The following SNAPC3 variants were observed in gnomAD, a reference collection of about 807,000 sequenced individuals.
SNAPC3 encodes the protein snRNA-activating protein complex subunit 3.
SNAPC3 carries 56 observed loss-of-function variants against 47.7 expected under a neutral mutation model. That is an observed-to-expected ratio of 1.18 (90% CI 0.95 to 1.47). The LOEUF (loss-of-function observed/expected upper bound fraction) is 1.47. Ranked by LOEUF, SNAPC3 falls within the 40% of genes most tolerant of loss-of-function variation. The pLI is 0.00. For missense variants in SNAPC3, 665 were observed against 511.3 expected (o/e 1.30, Z -2.90); for synonymous variants, 235 against 189.9 (o/e 1.24, Z -1.95).
intron 3 of SNAPC3, among the ~76,000 whole-genome samples, chr9:15,438,138 T>C (rs375344375): frequency 3.3e-5 from 5 of 152,216 alleles, no homozygotes; most frequent in African/African-American, 1.2e-4. Context: ...AGGTTTTTCA[T>C]TGCTGATTCA....
intron 5 of SNAPC3, among the ~76,000 whole-genome samples, chr9:15,449,233 C>T (rs1056470081): frequency 6.6e-6 from 1 of 152,084 alleles, no homozygotes; most frequent in Non-Finnish European, 1.5e-5. Context: ...TGAATTTACC[C>T]TCTTCACTCC....
chr9:15,441,624 CTG>C (rs1017881331), intron 3 of SNAPC3, among the ~76,000 whole-genome samples: 9 of 151,910 alleles, frequency 5.9e-5, no homozygotes, highest in African/African-American at 2.2e-4. Context: ...CTTCAAGCAT[CTG>C]TTTAACAAAG....
intron 3 of SNAPC3, among the ~76,000 whole-genome samples, chr9:15,437,938 T>A (rs1190062608): frequency 2.0e-5 from 3 of 152,242 alleles, no homozygotes; most frequent in Non-Finnish European, 4.4e-5. Context: ...GATATTGGCC[T>A]GTAGTTTTCC....
intron 2 of SNAPC3, among the ~76,000 whole-genome samples, chr9:15,424,204 T>C (rs1271925500): frequency 6.6e-6 from 1 of 152,242 alleles, no homozygotes; most frequent in African/African-American, 2.4e-5. Flanking sequence ...TTAGACATGA[T>C]AATTTACCCG....
intron 2 of SNAPC3, among the ~76,000 whole-genome samples, chr9:15,430,324 C>G (rs780367666): frequency 1.3e-5 from 2 of 152,044 alleles, no homozygotes; most frequent in Admixed American, 6.6e-5. Flanking sequence ...CCCAGCTACT[C>G]AGGAAGCCAG....
chr9:15,440,785 T>C (rs1487948589), intron 3 of SNAPC3, among the ~76,000 whole-genome samples: 1 of 152,042 alleles, frequency 6.6e-6, no homozygotes, highest in Non-Finnish European at 1.5e-5. Context: ...CCGTCTCTAC[T>C]AAAAATACAA....
At position 15,459,739 on chromosome 9, in the gene SNAPC3, G is replaced by C. The variant is rs750012584; in HGVS notation, c.1109G>C (p.Ser370Thr). The C allele has an allele frequency of 5.6e-6, 9 of 1,613,276 alleles. No individual in the cohort carries two copies. Among genetic ancestry groups the C allele is most frequent in the South Asian group, 4.4e-5 (4 of 90,796 alleles). ...TACAGATGGGTGACGAACAATGACA[G>C]TTTTGCACCAGAGGACCCATGCTTC... ...YTARWVTNND[S>T]FAPEDPCFFC... The change falls in exon 9 of 9, where the codon AGT becomes ACT. Residue 370 changes from serine (S) to threonine (T), a missense_variant. Ser to Thr is a moderately conservative substitution (Grantham distance 58, BLOSUM62 1). Coordinates refer to ENST00000380821, the MANE Select transcript of SNAPC3 (RefSeq NM_001039697.2).
In SNAPC3 at chr9:15,459,798, G is replaced by A. The variant is rs1428479240; in HGVS notation, c.1168G>A (p.Asp390Asn). The A allele has an allele frequency of 6.2e-7, 1 of 1,613,278 alleles. No homozygotes were observed. The highest frequency in any genetic ancestry group is 1.1e-5 in the South Asian group (1 of 90,916). Residue 390 changes from aspartate (D) to asparagine (N), a missense_variant, in exon 9 of 9, where the codon GAT becomes AAT. Asp to Asn is a conservative substitution (Grantham distance 23). Transcript: ENST00000380821. Reference sequence around the variant, plus strand: ...TGTTTGCTTCCGAATGCTGCACTATGATTCAGAAGGCAACAAACTGGGGGA... The same window carrying A: ...TGTTTGCTTCCGAATGCTGCACTATAATTCAGAAGGCAACAAACTGGGGGA... Reference protein sequence around the residue: ...CDVCFRMLHYDSEGNKLGEFL... With the variant: ...CDVCFRMLHYNSEGNKLGEFL...
intron 3 of SNAPC3, among the ~76,000 whole-genome samples, chr9:15,440,229 A>G (rs1482724482): frequency 6.6e-6 from 1 of 152,236 alleles, no homozygotes; most frequent in African/African-American, 2.4e-5. Flanking sequence ...AAGTACAATA[A>G]TACTGGCTTC....
chr9:15,429,219 T>G (rs1277205712), intron 2 of SNAPC3, among the ~76,000 whole-genome samples: 1 of 151,946 alleles, frequency 6.6e-6, no homozygotes, highest in Admixed American at 6.6e-5. Flanking sequence ...TCAATGAAGG[T>G]GTGAATTGAA....
At chr9:15,462,345 C>T (rs1357767350), downstream of SNAPC3, 1 of 152,164 alleles carries the variant, frequency 6.6e-6, no homozygotes, top group East Asian at 1.9e-4. Context: ...AACCAGGTTA[C>T]TCCCACAGTT....
rs1054287996 is a variant in SNAPC3 at position 15,423,039 on chromosome 9, C to G, written c.160C>G (p.Arg54Gly). The G allele has an allele frequency of 2.6e-6, 4 of 1,519,590 alleles. No homozygotes were observed. The African/African-American group carries it at 5.8e-5, about 22-fold the overall frequency. The allele number at this position is 1,519,590 out of a possible 1,614,324, so 94.1% of individuals were successfully genotyped here. A position where few individuals can be genotyped will look rare whatever the true frequency, so the allele number is the denominator to read the frequency against. ...CGCCTTTGGGGAGCTGTGGCGGGGCCGTCTGCGCGGGGCCGGGGACTTGTC... is the reference window on the plus strand; with the variant it reads ...CGCCTTTGGGGAGCTGTGGCGGGGCGGTCTGCGCGGGGCCGGGGACTTGTC... ...VGAFGELWRG[R>G]LRGAGDLSLR... Residue 54 changes from arginine (R) to glycine (G), a missense_variant, in exon 1 of 9, where the codon CGT becomes GGT. Coordinates refer to ENST00000380821, the MANE Select transcript of SNAPC3 (RefSeq NM_001039697.2).
At chr9:15,427,947 C>A (rs1209427681) in intron 2 of SNAPC3, among the ~76,000 whole-genome samples, 2 of 151,904 alleles carry the variant, frequency 1.3e-5, no homozygotes. Context: ...CCCACCTCTA[C>A]TAAAAATACA....
chr9:15,461,700 A>C (rs1431594160), downstream of SNAPC3: 3 of 152,232 alleles, frequency 2.0e-5, no homozygotes, highest in Non-Finnish European at 4.4e-5. Context: ...TGGAAAACTG[A>C]CGAAACCTAT....
downstream of SNAPC3, among the ~76,000 whole-genome samples, chr9:15,466,503 A>G (rs979279349): frequency 2.0e-5 from 3 of 152,250 alleles, no homozygotes; most frequent in African/African-American, 7.2e-5. Context: ...GTAGTCCAGG[A>G]GCAAATATTT....
Position 15,458,009 on chromosome 9 carries a change from AT to A in SNAPC3, c.1031del (p.Ile344ThrfsTer22). 1 of 1,598,900 alleles carries A rather than the reference AT, an allele frequency of 6.3e-7. No homozygotes were observed. Among genetic ancestry groups the A allele is most frequent in the Non-Finnish European group, 8.5e-7 (1 of 1,174,964 alleles). ...GGATAGGACATTGTATCCCCTCCTT[AT>A]CAAGAAGCATTGGCTATGGACCAGA... ...CLDRTLYPLL[I>X]KKHWLWTRKC... On this transcript the variant is annotated frameshift_variant, in exon 8 of 9. Transcript: ENST00000380821. LOFTEE classifies it high-confidence loss of function.
intron 3 of SNAPC3, among the ~76,000 whole-genome samples, chr9:15,443,247 T>G (rs965636439): frequency 1.3e-5 from 2 of 152,184 alleles, no homozygotes. Context: ...GGACTTTTAT[T>G]TATGTGCGAA....
At chr9:15,427,333 C>G (rs1420416601) in intron 2 of SNAPC3, among the ~76,000 whole-genome samples, 1 of 152,106 alleles carries the variant, frequency 6.6e-6, no homozygotes, top group African/African-American at 2.4e-5. Context: ...TCAGCAACAT[C>G]ACTTATTTAT....
intron 7 of SNAPC3, 146 bp from the exon 8 acceptor site, chr9:15,457,814 T>A: frequency 5.3e-6 from 3 of 565,194 alleles, no homozygotes; most frequent in Non-Finnish European, 9.2e-6. Flanking sequence ...AAACATGGCA[T>A]AACAAGTAAT....
Sources: allele counts gnomAD v4.1 joint callset (sites outside exome capture counted in the v4.1 genomes callset), GRCh38; gene constraint gnomAD v4.1.1; transcripts MANE v1.5; gene names NCBI Gene and HGNC (gene_info 2026-07-23, HGNC 2026-07-21).